The following KLHL4 variants were observed in gnomAD, a reference collection of about 807,000 sequenced individuals.
KLHL4 encodes the protein kelch like family member 4.
Under a neutral mutation model 45.8 loss-of-function variants are expected in KLHL4, and 17 were observed. The ratio of observed to expected loss-of-function variants is 0.37; its 90% confidence interval spans 0.25 to 0.56. KLHL4 has a LOEUF of 0.56. Ranked by LOEUF, KLHL4 falls within the 20% of genes least tolerant of loss-of-function variation. KLHL4 has a pLI of 0.79. For missense variants in KLHL4, 544 were observed against 544.9 expected (o/e 1.00, Z 0.02); for synonymous variants, 224 against 189.9 (o/e 1.18, Z -1.47).
chrX:87,647,465 G>T (rs1923674765), intron 9 of KLHL4, among the ~76,000 whole-genome samples: 1 of 112,039 alleles, frequency 8.9e-6, no homozygotes, highest in Admixed American at 9.5e-5. Context: ...ATTTGCAATT[G>T]CAAAAATATG....
intron 1 of KLHL4, among the ~76,000 whole-genome samples, chrX:87,609,207 C>T (rs1488652189): frequency 1.8e-5 from 2 of 111,894 alleles, no homozygotes; most frequent in Non-Finnish European, 3.8e-5. Context: ...GTGAACATTG[C>T]CGCAATAAAC....
At chrX:87,540,070 A>T (rs969325004) in intron 1 of KLHL4, among the ~76,000 whole-genome samples, 2 of 111,220 alleles carry the variant, frequency 1.8e-5, no homozygotes, top group Admixed American at 9.6e-5. Flanking sequence ...AATAAAAAGG[A>T]CAGTAAAAAT....
chrX:87,555,987 A>G (rs1931963942), intron 1 of KLHL4, among the ~76,000 whole-genome samples: 1 of 110,153 alleles, frequency 9.1e-6, no homozygotes, highest in South Asian at 3.9e-4. Flanking sequence ...CCCAGTAATC[A>G]TTCAGGAGCA....
chrX:87,522,157 TA>T (rs1931015698), intron 1 of KLHL4, among the ~76,000 whole-genome samples: 1 of 112,215 alleles, frequency 8.9e-6, no homozygotes, highest in Admixed American at 9.5e-5. Flanking sequence ...AAACTTATTG[TA>T]AAATTATTTC....
At chrX:87,565,219 T>G (rs1205057549) in intron 1 of KLHL4, among the ~76,000 whole-genome samples, 1 of 105,711 alleles carries the variant, frequency 9.5e-6, no homozygotes, top group Non-Finnish European at 1.9e-5. Flanking sequence ...AATAAAATTT[T>G]ACATTATAAC....
chrX:87,610,864 A>C (rs1243920959), intron 1 of KLHL4, among the ~76,000 whole-genome samples: 1 of 111,239 alleles, frequency 9.0e-6, no homozygotes, highest in Non-Finnish European at 1.9e-5. Context: ...TCTTGATACC[A>C]GGAGTTCGAG....
At chrX:87,630,540 A>G (rs1474159696) in intron 6 of KLHL4, among the ~76,000 whole-genome samples, 1 of 111,467 alleles carries the variant, frequency 9.0e-6, no homozygotes, top group African/African-American at 3.3e-5. Context: ...GTAAAAAATA[A>G]TTCTATTATT....
intron 9 of KLHL4, among the ~76,000 whole-genome samples, chrX:87,659,959 A>AGTGTGT (rs113545604): frequency 0.013 from 1,303 of 103,443 alleles, 11 homozygotes; most frequent in East Asian, 0.016. Context: ...TGCGCGTATG[A>AGTGTGT]GTGTGTGTGT....
At chrX:87,546,349 G>T (rs1307443235) in intron 1 of KLHL4, among the ~76,000 whole-genome samples, 1 of 111,884 alleles carries the variant, frequency 8.9e-6, no homozygotes, top group Non-Finnish European at 1.9e-5. Context: ...TGTTTTAGAG[G>T]GTGTAAGCCC....
At chrX:87,659,113 C>CTTTTTTTTTTTTTTTTTTTTTTTTTTT (rs1178733729) in intron 9 of KLHL4, among the ~76,000 whole-genome samples, 1 of 45,101 alleles carries the variant, frequency 2.2e-5, no homozygotes, top group Non-Finnish European at 3.6e-5. Flanking sequence ...TCTTTTCTTT[C>CTTTTTTTTTTTTTTTTTTTTTTTTTTT]TTTTTTTTTT....
chrX:87,635,724 A>G lies in KLHL4; in HGVS notation c.1874A>G (p.His625Arg). ...GGATTCTTATATGTTGTAGGGGGGC[A>G]TGATGCCCCTGCTTCCAACCATTGC... ...YNGFLYVVGGHDAPASNHCSR... is the reference protein window; with the variant it reads ...YNGFLYVVGGRDAPASNHCSR... The change falls in exon 9 of 11, where the codon CAT (histidine) becomes CGT (arginine). Residue 625 changes from histidine (H) to arginine (R), a missense_variant. Coordinates refer to ENST00000373119, the MANE Select transcript of KLHL4 (RefSeq NM_019117.5). The G allele has an allele frequency of 1.7e-6, 2 of 1,204,309 alleles. No individual in the cohort carries two copies. Among genetic ancestry groups the G allele is most frequent in the Non-Finnish European group, 2.2e-6 (2 of 890,466 alleles).
intron 1 of KLHL4, among the ~76,000 whole-genome samples, chrX:87,586,226 G>A (rs776406719): frequency 1.8e-5 from 2 of 110,855 alleles, no homozygotes; most frequent in East Asian, 5.7e-4. Flanking sequence ...CGTGTAGACA[G>A]AAAATCAACA....
chrX:87,614,620 C>T (rs1922495358), intron 3 of KLHL4, 50 bp downstream of exon 3: 1 of 1,073,916 alleles, frequency 9.3e-7, no homozygotes, highest in Non-Finnish European at 1.3e-6. Context: ...TTACATAACA[C>T]ATTATTATTA....
At chrX:87,649,078 G>A (rs1923726637) in intron 9 of KLHL4, among the ~76,000 whole-genome samples, 1 of 111,400 alleles carries the variant, frequency 9.0e-6, no homozygotes, top group Admixed American at 9.6e-5. Context: ...TAAGTGTACA[G>A]TTTAGTGACA....
At chrX:87,647,505 TCAAC>T (rs1416896751) in intron 9 of KLHL4, among the ~76,000 whole-genome samples, 1 of 111,711 alleles carries the variant, frequency 9.0e-6, no homozygotes, top group Non-Finnish European at 1.9e-5. Context: ...CAATTATCAA[TCAAC>T]GAGTGGATAA....
intron 1 of KLHL4, among the ~76,000 whole-genome samples, chrX:87,547,745 C>T (rs1311411691): frequency 9.0e-5 from 10 of 110,637 alleles, no homozygotes; most frequent in South Asian, 3.9e-4. Context: ...GGCGTGAACC[C>T]GGGAGGTGGA....
chrX:87,546,034 C>A (rs755505932), intron 1 of KLHL4, among the ~76,000 whole-genome samples: 3 of 111,040 alleles, frequency 2.7e-5, no homozygotes, highest in Non-Finnish European at 5.7e-5. Context: ...TGCAGGCTGG[C>A]GATGCAATAG....
intron 1 of KLHL4, among the ~76,000 whole-genome samples, chrX:87,585,436 G>A (rs745841115): frequency 9.0e-6 from 1 of 111,411 alleles, no homozygotes; most frequent in African/African-American, 3.2e-5. Context: ...AGTACAATAC[G>A]ATATAAATAG....
chrX:87,666,542 T>C lies in KLHL4; in HGVS notation c.*8T>C. ...GTGGTGAAGCTACCCTAAAGCTATC[T>C]ATCTTTATCAAATGGAATGAAACTA... On this transcript the variant is annotated 3_prime_UTR_variant, in exon 11 of 11. Transcript: ENST00000373119. 1 of 1,188,495 alleles carries C rather than the reference T, an allele frequency of 8.4e-7. No individual in the cohort carries two copies. Among genetic ancestry groups the C allele is most frequent in the East Asian group, 3.0e-5 (1 of 33,198 alleles).
Sources: allele counts gnomAD v4.1 joint callset (sites outside exome capture counted in the v4.1 genomes callset), GRCh38; gene constraint gnomAD v4.1.1; transcripts MANE v1.5; gene names NCBI Gene and HGNC (gene_info 2026-07-23, HGNC 2026-07-21).